The following IGF1R variants were observed in gnomAD, a reference collection of about 807,000 sequenced individuals.
The protein encoded by IGF1R is insulin like growth factor 1 receptor.
In IGF1R, 44 loss-of-function variants were observed where a neutral mutation model predicts 144.6. The ratio of observed to expected loss-of-function variants is 0.30; its 90% CI spans 0.24 to 0.39. The LOEUF is 0.39. IGF1R is among the 10% of genes least tolerant of loss of function. The probability of loss-of-function intolerance (pLI) is 1.00; values close to 1 mark genes in which losing one functional copy is unlikely to be tolerated. For missense variants in IGF1R, 1,355 were observed against 1,833.7 expected (o/e 0.74, Z 4.77); for synonymous variants, 795 against 722.8 (o/e 1.10, Z -1.60).
At chr15:98,670,773 A>G (rs969547943) in intron 1 of IGF1R, among the ~76,000 whole-genome samples, 1 of 152,208 alleles carries the variant, frequency 6.6e-6, no homozygotes, top group South Asian at 2.1e-4. Flanking sequence ...CCAAATTACA[A>G]CTGACACAGG....
rs535912104 is a variant in IGF1R, at chr15:98,677,852, T to A, written c.94+28177T>A. 5.9e-5 allele frequency among the ~76,000 whole-genome samples: 9 copies of A among 152,272 alleles called. No individual in the cohort carries two copies. In the East Asian group the frequency reaches 1.5e-3, roughly 26 times the overall value. Reference sequence around the variant, plus strand: ...AGAAGGTGGGAGATGAATGTGGGTATGGCTAGTGGGTTGGGCATGGGGGTT... The same window carrying A: ...AGAAGGTGGGAGATGAATGTGGGTAAGGCTAGTGGGTTGGGCATGGGGGTT... On this transcript the variant is annotated intron_variant, in intron 1 of 20. Coordinates refer to ENST00000650285, the MANE Select transcript of IGF1R (RefSeq NM_000875.5).
chr15:98,950,161 T>C (rs2016718367), intron 20 of IGF1R, among the ~76,000 whole-genome samples: 2 of 152,200 alleles, frequency 1.3e-5, no homozygotes, highest in South Asian at 2.1e-4. Flanking sequence ...CTGTTATGTC[T>C]GCATGAAGGC....
At chr15:98,682,641 G>A (rs2053221602) in intron 1 of IGF1R, among the ~76,000 whole-genome samples, 2 of 151,970 alleles carry the variant, frequency 1.3e-5, no homozygotes, top group Admixed American at 6.6e-5. Context: ...TCTGCCTTCC[G>A]AGTTCCAGCA....
intron 2 of IGF1R, among the ~76,000 whole-genome samples, chr15:98,757,049 C>G (rs909056105): frequency 4.6e-5 from 7 of 152,116 alleles, no homozygotes; most frequent in Non-Finnish European, 1.0e-4. Flanking sequence ...TGGTAAAATG[C>G]AAAGGTTTTA....
chr15:98,916,943 C>G, intron 10 of IGF1R, 67 bp downstream of exon 10: 1 of 1,362,966 alleles, frequency 7.3e-7, no homozygotes, highest in Non-Finnish European at 1.0e-6. Flanking sequence ...TTGCCTTTCT[C>G]CCCACCAGGT....
In IGF1R at chr15:98,883,447, C is replaced by A. The variant is rs114361442; in HGVS notation, c.641-7878C>A. The stretch of plus-strand genomic sequence containing the variant: ...GTCTAAGCATTTTCAACTAAGCTTC[C>A]TTTTCCAACCTAGCAGACTTGTTTA... On this transcript the variant is annotated intron_variant, in intron 2 of 20. Transcript: ENST00000650285. Among the ~76,000 whole-genome samples the A allele has an allele frequency of 8.1e-3, 1,227 of 152,246 alleles. 13 individuals carry two copies. Among genetic ancestry groups the A allele is most frequent in the African/African-American group, 0.028 (1,167 of 41,534 alleles).
chr15:98,682,111 C>A (rs2053204143), intron 1 of IGF1R, among the ~76,000 whole-genome samples: 1 of 152,164 alleles, frequency 6.6e-6, no homozygotes, highest in Admixed American at 6.5e-5. Flanking sequence ...ACCGTTGGAA[C>A]CTTCAGGGCA....
chr15:98,920,706 T>C (rs1473927958), intron 10 of IGF1R, among the ~76,000 whole-genome samples: 1 of 152,184 alleles, frequency 6.6e-6, no homozygotes, highest in Non-Finnish European at 1.5e-5. Flanking sequence ...AAAGCAAATG[T>C]ACACGCCCTG....
rs116715530 is a variant in IGF1R, at chr15:98,845,750, C to T, written c.641-45575C>T. Among the ~76,000 whole-genome samples the T allele has an allele frequency of 9.7e-3, 1,482 of 152,032 alleles. 25 individuals carry two copies. Among genetic ancestry groups the T allele is most frequent in the African/African-American group, 0.034 (1,407 of 41,464 alleles). ...CCTAGTGATCCTGGTGGGGAAATTA[C>T]AGTGATTAGTGTTCCAATTCTTGTT... On this transcript the variant is annotated intron_variant, in intron 2 of 20. Coordinates refer to ENST00000650285, the MANE Select transcript of IGF1R (RefSeq NM_000875.5).
At chr15:98,814,340 TTGGATGGA>T (rs201082565) in intron 2 of IGF1R, among the ~76,000 whole-genome samples, 7 of 151,948 alleles carry the variant, frequency 4.6e-5, no homozygotes, top group African/African-American at 9.7e-5. Context: ...CTTATATGAT[TTGGATGGA>T]TGGATGGATG....
In IGF1R at chr15:98,964,356, C is replaced by G. The variant is rs1051265356; in HGVS notation, c.*6914C>G. The stretch of plus-strand genomic sequence containing the variant: ...AAATTTCAAAATGTTTTTGTATATT[C>G]TGTTGTAAGAATTTATTCCTGTTAT... On this transcript the variant is annotated 3_prime_UTR_variant, in exon 21 of 21. Transcript: ENST00000650285. 1 of 230,310 alleles carries G rather than the reference C, an allele frequency of 4.3e-6. No individual in the cohort carries two copies. Among genetic ancestry groups the G allele is most frequent in the African/African-American group, 2.2e-5 (1 of 45,086 alleles). 14.3% of individuals were successfully genotyped at this position (230,310 alleles called of 1,614,324 possible).
chr15:98,708,337 A>C (rs1567087517), intron 2 of IGF1R, among the ~76,000 whole-genome samples: 1 of 152,204 alleles, frequency 6.6e-6, no homozygotes, highest in Non-Finnish European at 1.5e-5. Flanking sequence ...GCTGGAGGCC[A>C]TCATGGCTGC....
chr15:98,851,334 G>T (rs1014368444), intron 2 of IGF1R, among the ~76,000 whole-genome samples: 4 of 152,206 alleles, frequency 2.6e-5, no homozygotes, highest in African/African-American at 9.6e-5. Context: ...TTTGCACCCT[G>T]TTGCTTCCTG....
At chr15:98,902,737 G>T (rs961359009) in intron 5 of IGF1R, among the ~76,000 whole-genome samples, 2 of 152,144 alleles carry the variant, frequency 1.3e-5, no homozygotes, top group African/African-American at 4.8e-5. Context: ...TTTATAGCCA[G>T]TGATAACATA....
chr15:98,920,598 C>T (rs1472649371), intron 10 of IGF1R, among the ~76,000 whole-genome samples: 1 of 152,184 alleles, frequency 6.6e-6, no homozygotes, highest in East Asian at 1.9e-4. Context: ...GTGTTTTTCC[C>T]TTCCGGGAAG....
chr15:98,821,885 A>G (rs1271285327), intron 2 of IGF1R, among the ~76,000 whole-genome samples: 1 of 152,206 alleles, frequency 6.6e-6, no homozygotes, highest in Non-Finnish European at 1.5e-5. Context: ...ACACAGGCAC[A>G]TGTATATTCA....
chr15:98,759,934 A>G (rs1487682602), intron 2 of IGF1R, among the ~76,000 whole-genome samples: 2 of 152,222 alleles, frequency 1.3e-5, no homozygotes, highest in Admixed American at 6.5e-5. Context: ...CTTCTAATTC[A>G]AGATGACCAG....
chr15:98,717,912 G>A (rs2054158174), intron 2 of IGF1R, among the ~76,000 whole-genome samples: 1 of 152,160 alleles, frequency 6.6e-6, no homozygotes, highest in Non-Finnish European at 1.5e-5. Context: ...TGAAGCATGT[G>A]CCTGTTTATC....
chr15:98,937,219 G>A (rs916703330), intron 17 of IGF1R, among the ~76,000 whole-genome samples: 1 of 152,162 alleles, frequency 6.6e-6, no homozygotes, highest in African/African-American at 2.4e-5. Context: ...ACAGCATGAA[G>A]GAGAAAAGCT....
Sources: allele counts gnomAD v4.1 joint callset (sites outside exome capture counted in the v4.1 genomes callset), GRCh38; gene constraint gnomAD v4.1.1; transcripts MANE v1.5; gene names NCBI Gene and HGNC (gene_info 2026-07-23, HGNC 2026-07-21).